Variants in NSD1 observed in about 807,000 individuals in gnomAD.
The protein encoded by NSD1 is nuclear receptor binding SET domain protein 1, also known as histone-lysine N-methyltransferase, H3 lysine-36 specific.
NSD1 carries 26 observed loss-of-function variants against 242.7 expected under a neutral mutation model. The observed-to-expected ratio is 0.11, with a 90% confidence interval of 0.08 to 0.15. The LOEUF is 0.15. NSD1 is among the 10% of genes least tolerant of loss of function. The probability of loss-of-function intolerance (pLI) is 1.00; values close to 1 mark genes in which losing one functional copy is unlikely to be tolerated. For missense variants in NSD1, 2,495 were observed against 3,272.8 expected, an observed-to-expected ratio of 0.76 and a Z score of 5.80; for synonymous variants, 1,106 against 1,178.1, an observed-to-expected ratio of 0.94 and a Z score of 1.25.
At chr5:177,265,897 C>T (rs1757398496) in intron 14 of NSD1, 1 of 1,471,746 alleles carries the variant, frequency 6.8e-7, no homozygotes, top group Non-Finnish European at 9.5e-7. Flanking sequence ...AGGTGAAGGT[C>T]AGGTCTTCCA....
Position 177,283,840 on chromosome 5 carries a change from T to C in NSD1, c.6063T>C (p.His2021=), listed in dbSNP as rs2127262963. The C allele has an allele frequency of 6.2e-7, 1 of 1,614,178 alleles. No homozygotes were observed. The change falls in exon 20 of 23, where the codon CAT becomes CAC. Residue 2021 remains histidine (H), a synonymous_variant. Coordinates refer to ENST00000439151, the MANE Select transcript of NSD1 (RefSeq NM_022455.5). The stretch of plus-strand genomic sequence containing the variant: ...GAAACTATGCTCGGTTCATGAATCA[T>C]TGCTGCCAGCCCAACTGTGAAACAC... ...PKGNYARFMN[H]CCQPNCETQK...
In NSD1 at chr5:177,251,872, G is replaced by A. The variant is rs531435127; in HGVS notation, c.4765+19G>A. ...CGCACAGGTAAAGTAGATATCGAAC[G>A]GTCTTCCTCCAAAGAAAGTTTGAAT... On this transcript the variant is annotated intron_variant, in intron 12 of 22. Transcript: ENST00000439151. The A allele has an allele frequency of 6.4e-5, 104 of 1,613,924 alleles. No individual in the cohort carries two copies. Among genetic ancestry groups the A allele is most frequent in the Middle Eastern group, 3.3e-4 (2 of 6,062 alleles).
intron 17 of NSD1, among the ~76,000 whole-genome samples, chr5:177,276,701 C>T (rs1758415895): frequency 6.6e-6 from 1 of 152,034 alleles, no homozygotes. Flanking sequence ...ATCTCCTGGC[C>T]TCAGGTTGTC....
chr5:177,213,141 CAG>C (rs923387439), intron 5 of NSD1, among the ~76,000 whole-genome samples: 13 of 152,270 alleles, frequency 8.5e-5, no homozygotes, highest in South Asian at 4.1e-4. Context: ...AGATGGAAAA[CAG>C]AAATCTTTCA....
intron 5 of NSD1, among the ~76,000 whole-genome samples, chr5:177,217,233 A>G (rs890010230): frequency 1.3e-5 from 2 of 152,096 alleles, no homozygotes; most frequent in Non-Finnish European, 2.9e-5. Flanking sequence ...GGTTAAGTTT[A>G]TTCTTAAGTA....
rs778975258 is a variant in NSD1 at position 177,212,031 on chromosome 5, C to T, written c.3632C>T (p.Ala1211Val). ...DEFPEHRTPS[A>V]SILEEPLTEQ... ...TTTCCAGAGCATAGAACTCCTTCAG[C>T]AAGCATACTTGAGGAACCACTGACA... Residue 1211 changes from alanine (A) to valine (V), a missense_variant, in exon 5 of 23, where the codon GCA (alanine) becomes GTA (valine). This residue lies in a region of NSD1 where 426 missense variants were observed against 411.4 expected (regional missense o/e 1.04). Coordinates refer to ENST00000439151, the MANE Select transcript of NSD1 (RefSeq NM_022455.5). 11 of 1,613,978 alleles carry T rather than the reference C, an allele frequency of 6.8e-6. No homozygotes were observed. The highest frequency in any genetic ancestry group is 2.2e-5 in the East Asian group (1 of 44,900).
intron 2 of NSD1, among the ~76,000 whole-genome samples, chr5:177,140,775 T>C (rs1339132778): frequency 6.6e-6 from 1 of 152,138 alleles, no homozygotes; most frequent in Non-Finnish European, 1.5e-5. Context: ...TTTTGGGGGC[T>C]ACCTGATCTG....
Position 177,134,951 on chromosome 5 carries a change from CG to C in NSD1, c.-17-131del. ...TCGAGGCCATTTTTTCATCTCCAGT[CG>C]GGGGAACTTTTTCTGCCCATGGAAG... On this transcript the variant is annotated intron_variant, in intron 1 of 22. Transcript: ENST00000439151. The surrounding 1 kb of genome is among the most constrained non-coding windows in gnomAD (Gnocchi z 4.2). The C allele has an allele frequency of 1.4e-6, 1 of 722,880 alleles. No individual in the cohort carries two copies. Among genetic ancestry groups the C allele is most frequent in the Non-Finnish European group, 2.3e-6 (1 of 429,754 alleles). The allele number at this position is 722,880 out of a possible 1,614,324, so 44.8% of individuals were successfully genotyped here. A position where few individuals can be genotyped will look rare whatever the true frequency, so the allele number is the denominator to read the frequency against.
intron 4 of NSD1, among the ~76,000 whole-genome samples, chr5:177,205,733 A>G (rs1762820802): frequency 6.6e-6 from 1 of 151,792 alleles, no homozygotes; most frequent in South Asian, 2.1e-4. Flanking sequence ...TGTCTCTATG[A>G]TTTAATATTC....
chr5:177,178,031 A>G (rs1435272559), intron 2 of NSD1, among the ~76,000 whole-genome samples: 1 of 152,080 alleles, frequency 6.6e-6, no homozygotes. Context: ...AGTAGCTGGA[A>G]CTACAGGCAT....
chr5:177,196,298 G>A (rs1372502984), intron 3 of NSD1, among the ~76,000 whole-genome samples: 4 of 152,150 alleles, frequency 2.6e-5, no homozygotes, highest in Admixed American at 6.6e-5. Context: ...AGCAGGAGCC[G>A]CCATGCTCTG....
In NSD1 at chr5:177,299,359, C is replaced by G. The variant is rs566153912; in HGVS notation, c.*3900C>G. 8.6e-6 allele frequency: 2 copies of G among 233,262 alleles called. No individual in the cohort carries two copies. The highest frequency in any genetic ancestry group is 1.7e-5 in the Non-Finnish European group (2 of 118,038). The allele number at this position is 233,262 out of a possible 1,614,324, so 14.4% of individuals were successfully genotyped here. Reference sequence around the variant, plus strand: ...TCCTCAGTGAAGCCTGCACCCAACCCTGGAGTGGCCCAGTGCAATCCAGAG... The same window carrying G: ...TCCTCAGTGAAGCCTGCACCCAACCGTGGAGTGGCCCAGTGCAATCCAGAG... On this transcript the variant is annotated 3_prime_UTR_variant, in exon 23 of 23. Transcript: ENST00000439151.
Position 177,294,938 on chromosome 5 carries a change from G to A in NSD1, c.7570G>A (p.Glu2524Lys). ...QTSGKAAAPS[E>K]DPWQAVKSLT... ...ATCTGGGAAAGCAGCAGCCCCTTCA[G>A]AGGACCCCTGGCAAGCTGTTAAATC... The change falls in exon 23 of 23, where the codon GAG becomes AAG. Residue 2524 changes from glutamate (E) to lysine (K), a missense_variant. Around this residue, in one of 19 missense-constraint regions of NSD1, gnomAD observed 475 missense variants for 563.7 expected, o/e 0.84. Coordinates refer to ENST00000439151, the MANE Select transcript of NSD1 (RefSeq NM_022455.5). 1 of 1,614,186 alleles carries A rather than the reference G, an allele frequency of 6.2e-7. No individual in the cohort carries two copies. Among genetic ancestry groups the A allele is most frequent in the East Asian group, 2.2e-5 (1 of 44,884 alleles).
intron 5 of NSD1, among the ~76,000 whole-genome samples, chr5:177,213,065 C>G (rs1017792437): frequency 4.6e-5 from 7 of 152,120 alleles, no homozygotes; most frequent in African/African-American, 1.7e-4. Context: ...GTCTTAAATT[C>G]CTACTGGAAT....
chr5:177,273,549 G>T, intron 16 of NSD1, 123 bp from the exon 17 acceptor site: 4 of 756,464 alleles, frequency 5.3e-6, no homozygotes. Context: ...ATATAGCATT[G>T]GTCGATTTTT....
At chr5:177,138,900 A>G (rs1273542314) in intron 2 of NSD1, among the ~76,000 whole-genome samples, 12 of 148,402 alleles carry the variant, frequency 8.1e-5, no homozygotes, top group Non-Finnish European at 1.0e-4. Context: ...CAGCCTCCCA[A>G]AGTGCTGGGA....
chr5:177,258,571 T>C (rs1205421464), intron 13 of NSD1, among the ~76,000 whole-genome samples: 1 of 152,018 alleles, frequency 6.6e-6, no homozygotes, highest in Non-Finnish European at 1.5e-5. Context: ...GTTTCACTTT[T>C]GTTGCCCAGG....
chr5:177,287,951 C>T (rs1422981288), intron 20 of NSD1, among the ~76,000 whole-genome samples: 1 of 152,252 alleles, frequency 6.6e-6, no homozygotes, highest in Non-Finnish European at 1.5e-5. Context: ...GTATGTCAGT[C>T]TGCAAAGGGA....
intron 4 of NSD1, among the ~76,000 whole-genome samples, chr5:177,205,327 C>T (rs1030973443): frequency 6.6e-6 from 1 of 152,132 alleles, no homozygotes; most frequent in Non-Finnish European, 1.5e-5. Flanking sequence ...TGAGCCACTG[C>T]GCCCACTGAG....
Sources: allele counts gnomAD v4.1 joint callset (sites outside exome capture counted in the v4.1 genomes callset), GRCh38; gene constraint gnomAD v4.1.1; regional missense constraint gnomAD v4.1.1; non-coding constraint Gnocchi (gnomAD v3.1); transcripts MANE v1.5; gene names NCBI Gene and HGNC (gene_info 2026-07-23, HGNC 2026-07-21).